ABCC9: variants seen among roughly 807,000 people sequenced by gnomAD.
ABCC9 encodes the protein ATP-binding cassette sub-family C member 9.
ABCC9 carries 95 observed loss-of-function variants against 188.3 expected under a neutral mutation model. The ratio of observed to expected loss-of-function variants is 0.50; its 90% CI spans 0.43 to 0.60. The LOEUF is 0.60. ABCC9 is among the 20% of genes least tolerant of loss of function. ABCC9 has a pLI of 0.00. For missense variants in ABCC9, 1,102 were observed against 1,876.3 expected (o/e 0.59, Z 7.62); for synonymous variants, 659 against 652.7 (o/e 1.01, Z -0.15).
chr12:21,810,116 G>A (rs1257683605), intron 36 of ABCC9, among the ~76,000 whole-genome samples, 161 bp from the exon 37 acceptor site: 1 of 152,168 alleles, frequency 6.6e-6, no homozygotes, highest in Non-Finnish European at 1.5e-5. Context: ...TGCAAGCACT[G>A]AATTCATGCT....
intron 29 of ABCC9, 109 bp downstream of exon 29, chr12:21,842,205 G>T: frequency 1.5e-6 from 2 of 1,355,944 alleles, no homozygotes; most frequent in South Asian, 1.3e-5. Context: ...GAACTTCGTG[G>T]AATGTTTTCT....
intron 12 of ABCC9, 103 bp downstream of exon 12, chr12:21,906,023 T>C (rs1948026557): frequency 7.6e-7 from 1 of 1,321,042 alleles, no homozygotes; most frequent in South Asian, 1.2e-5. Flanking sequence ...TAGGTGTCCT[T>C]GAAGAACTAG....
intron 14 of ABCC9, among the ~76,000 whole-genome samples, chr12:21,893,126 C>T (rs941936557): frequency 2.0e-5 from 3 of 151,820 alleles, no homozygotes; most frequent in African/African-American, 2.4e-5. Context: ...TATAGACTGT[C>T]GTATAGGCAG....
At chr12:21,858,756 T>C (rs556245309) in intron 22 of ABCC9, among the ~76,000 whole-genome samples, 1 of 152,176 alleles carries the variant, frequency 6.6e-6, no homozygotes, top group South Asian at 2.1e-4. Flanking sequence ...AGTGGGAAAC[T>C]CCAAAACCAA....
chr12:21,825,556 C>T (rs1943322814), intron 31 of ABCC9, among the ~76,000 whole-genome samples: 1 of 151,010 alleles, frequency 6.6e-6, no homozygotes, highest in Non-Finnish European at 1.5e-5. Context: ...GAAAACCAAA[C>T]ATCGCATGTT....
chr12:21,805,508 TGA>T (rs745362980), intron 39 of ABCC9, among the ~76,000 whole-genome samples: 11 of 152,198 alleles, frequency 7.2e-5, no homozygotes, highest in Non-Finnish European at 1.2e-4. Flanking sequence ...TTCTTCTATT[TGA>T]TTGGTGCTAT....
chr12:21,927,714 G>A (rs1592255336), intron 4 of ABCC9, among the ~76,000 whole-genome samples: 2 of 152,146 alleles, frequency 1.3e-5, no homozygotes, highest in African/African-American at 4.8e-5. Context: ...TGGAATTTAA[G>A]TGTCTGTAGA....
At chr12:21,838,201 A>T (rs1207326265) in intron 29 of ABCC9, 31 bp from the exon 30 acceptor site, 1 of 1,400,512 alleles carries the variant, frequency 7.1e-7, no homozygotes, top group East Asian at 2.3e-5. Context: ...AATAAACTTC[A>T]TGTGCATCCA....
chr12:21,849,649 T>A (rs940293444), intron 24 of ABCC9, among the ~76,000 whole-genome samples: 1 of 152,180 alleles, frequency 6.6e-6, no homozygotes, highest in African/African-American at 2.4e-5. Flanking sequence ...AAGCAATTTT[T>A]CCTAAGAGTA....
In ABCC9 at chr12:21,894,088, G is replaced by A; in HGVS notation, c.1746C>T (p.Val582=). ...FASLSLFHIL[V]TPLFLLSTVV... ...CCGTGGAGAGCAGGAACAGTGGTGT[G>A]ACCAGGATATGGAAGAGAGACAGTG... The change falls in exon 14 of 40, where the codon GTC becomes GTT. Residue 582 remains valine (V), a synonymous_variant. Coordinates refer to ENST00000261200, the MANE Select transcript of ABCC9 (RefSeq NM_020297.4). 1 of 1,614,060 alleles carries A rather than the reference G, an allele frequency of 6.2e-7. No individual in the cohort carries two copies. Among genetic ancestry groups the A allele is most frequent in the African/African-American group, 1.3e-5 (1 of 75,022 alleles).
At chr12:21,913,465 A>C (rs953168156) in intron 7 of ABCC9, among the ~76,000 whole-genome samples, 1 of 152,306 alleles carries the variant, frequency 6.6e-6, no homozygotes, top group East Asian at 1.9e-4. Context: ...AAGCACAAAC[A>C]TCAAGGTTAT....
intron 12 of ABCC9, among the ~76,000 whole-genome samples, chr12:21,898,725 T>C (rs1947557937): frequency 6.6e-6 from 1 of 152,192 alleles, no homozygotes; most frequent in Non-Finnish European, 1.5e-5. Flanking sequence ...GTAGTTTTGC[T>C]AAGTTTGTGT....
At chr12:21,901,875 G>C (rs1207451764) in intron 12 of ABCC9, among the ~76,000 whole-genome samples, 1 of 152,158 alleles carries the variant, frequency 6.6e-6, no homozygotes, top group Non-Finnish European at 1.5e-5. Flanking sequence ...ACACCCCACT[G>C]TCAACATTAG....
chr12:21,926,301 T>G (rs1949043279), intron 4 of ABCC9, among the ~76,000 whole-genome samples: 1 of 152,148 alleles, frequency 6.6e-6, no homozygotes, highest in Admixed American at 6.5e-5. Context: ...TTAAAATGCT[T>G]ACAAAGAAAC....
At chr12:21,938,364 T>G (rs905726828) in intron 2 of ABCC9, among the ~76,000 whole-genome samples, 1 of 152,136 alleles carries the variant, frequency 6.6e-6, no homozygotes, top group Non-Finnish European at 1.5e-5. Context: ...ACTGGGTAAA[T>G]TCTAACAAGC....
chr12:21,804,009 C>T (rs562253147), intron 39 of ABCC9, among the ~76,000 whole-genome samples: 24 of 152,054 alleles, frequency 1.6e-4, no homozygotes, highest in Non-Finnish European at 2.8e-4. Context: ...GAGTCTACCA[C>T]AAGCATGGTG....
At chr12:21,845,864 G>T in intron 25 of ABCC9, 32 bp from the exon 26 acceptor site, 3 of 1,471,228 alleles carry the variant, frequency 2.0e-6, no homozygotes, top group East Asian at 2.3e-5. Flanking sequence ...TTAAGCTTCA[G>T]ATGGGCACCG....
chr12:21,933,750 T>G, intron 4 of ABCC9, 32 bp downstream of exon 4: 1 of 1,602,550 alleles, frequency 6.2e-7, no homozygotes, highest in South Asian at 1.1e-5. Flanking sequence ...ACTGGTATAC[T>G]GCAGTGGTAT....
Position 21,915,329 on chromosome 12 carries a change from G to GTA in ABCC9, c.816+337_816+338dup, listed in dbSNP as rs1356121441. Among the ~76,000 whole-genome samples, 13 of 124,192 alleles carry GTA rather than the reference G, an allele frequency of 1.0e-4. No homozygotes were observed. In the South Asian group the frequency reaches 2.0e-3, roughly 19 times the overall value. 81.5% of individuals were successfully genotyped at this position (124,192 alleles called of 152,430 possible). A position where few individuals can be genotyped will look rare whatever the true frequency, so the allele number is the denominator to read the frequency against. On this transcript the variant is annotated intron_variant, in intron 7 of 39. Transcript: ENST00000261200. ...ATATATATAATGTGTATATATGTGT[G>GTA]TATATATAGACATGTGTATGTATAT...
Sources: allele counts gnomAD v4.1 joint callset (sites outside exome capture counted in the v4.1 genomes callset), GRCh38; gene constraint gnomAD v4.1.1; transcripts MANE v1.5; gene names NCBI Gene and HGNC (gene_info 2026-07-23, HGNC 2026-07-21).